KDM4B: variants seen among roughly 807,000 people sequenced by gnomAD.
KDM4B encodes the protein lysine demethylase 4B, also known as lysine-specific demethylase 4B.
A neutral mutation model predicts 125.2 loss-of-function variants in KDM4B; 32 were observed. The observed-to-expected ratio is 0.26, with a 90% confidence interval of 0.19 to 0.34. The LOEUF is 0.34. Among genes scored for constraint, KDM4B ranks in the 10% least tolerant of loss-of-function variants. KDM4B has a pLI of 1.00. For missense variants in KDM4B, 1,190 were observed against 1,577.7 expected, an observed-to-expected ratio of 0.75 and a Z score of 4.16; for synonymous variants, 721 against 677.9, an observed-to-expected ratio of 1.06 and a Z score of -0.99.
intron 1 of KDM4B, among the ~76,000 whole-genome samples, chr19:4,999,233 G>C (rs2035293818): frequency 6.6e-6 from 1 of 152,104 alleles, no homozygotes; most frequent in African/African-American, 2.4e-5. Context: ...TTCTTACTTT[G>C]TTCAATGGGT....
chr19:5,061,691 T>A (rs1346563085), intron 6 of KDM4B, among the ~76,000 whole-genome samples: 11 of 151,772 alleles, frequency 7.2e-5, no homozygotes, highest in Admixed American at 7.2e-4. Flanking sequence ...ATTGCAAGAC[T>A]CCATCTCTAC....
rs180775487 is a variant in KDM4B at position 4,976,614 on chromosome 19, A to G, written c.-109+7384A>G. ...AAGCATCGGAACTCTCCTCGTTACC[A>G]GTGCTAGCGCCCCCGATGGGAGGGG... is the stretch of plus-strand genomic sequence containing the variant. On this transcript the variant is annotated intron_variant, in intron 1 of 22. Coordinates refer to ENST00000159111, the MANE Select transcript of KDM4B (RefSeq NM_015015.3). 4.3e-4 allele frequency among the ~76,000 whole-genome samples: 66 copies of G among 152,356 alleles called. 1 individual carries two copies. The highest frequency in any genetic ancestry group is 3.7e-3 in the South Asian group (18 of 4,828).
At position 5,114,664 on chromosome 19, in the gene KDM4B, ACTT is replaced by A. The variant is rs1050922986; in HGVS notation, c.1115+3847_1115+3849del. ...TCTTGGGGGTGGGGAGCACTGGGCCACTTTGGGTCGGGGGTGGGCGGCTCTGAG... is the reference window on the plus strand; with the variant it reads ...TCTTGGGGGTGGGGAGCACTGGGCCATGGGTCGGGGGTGGGCGGCTCTGAG... On this transcript the variant is annotated intron_variant, in intron 10 of 22. Coordinates refer to ENST00000159111, the MANE Select transcript of KDM4B (RefSeq NM_015015.3). This position sits in a 1 kb window ranked among gnomAD's most constrained non-coding sequence, Gnocchi z 5.8. Among the ~76,000 whole-genome samples the A allele has an allele frequency of 4.8e-5, 7 of 145,484 alleles. No homozygotes were observed. Among genetic ancestry groups the A allele is most frequent in the Non-Finnish European group, 9.1e-5 (6 of 65,876 alleles).
intron 9 of KDM4B, among the ~76,000 whole-genome samples, chr19:5,090,122 C>T (rs546200394): frequency 6.6e-6 from 1 of 152,308 alleles, no homozygotes; most frequent in African/African-American, 2.4e-5. Context: ...GTGGAAGGTC[C>T]TGGAAGCCCA....
rs555233041 is a variant in KDM4B, at chr19:4,989,602, A to C, written c.-109+20372A>C. On this transcript the variant is annotated intron_variant, in intron 1 of 22. Transcript: ENST00000159111. ...GTGATCCGCCTGCCTCAGCCTCCCA[A>C]AGTGCTCGGATTACAGGCATGAGCC... is the stretch of plus-strand genomic sequence containing the variant. Among the ~76,000 whole-genome samples the C allele has an allele frequency of 8.1e-4, 123 of 151,024 alleles. 1 individual carries two copies. The highest frequency in any genetic ancestry group is 2.8e-3 in the African/African-American group (113 of 41,088).
chr19:5,020,474 G>A (rs2036079912), intron 2 of KDM4B, among the ~76,000 whole-genome samples: 1 of 152,138 alleles, frequency 6.6e-6, no homozygotes, highest in Non-Finnish European at 1.5e-5. Context: ...TCTCCACGGC[G>A]GCTGCACCCT....
intron 11 of KDM4B, among the ~76,000 whole-genome samples, chr19:5,122,709 C>T (rs1365584282): frequency 6.6e-6 from 1 of 152,208 alleles, no homozygotes; most frequent in East Asian, 1.9e-4. Context: ...GATAAGAATG[C>T]CTGAGGACCA....
At chr19:5,138,769 C>T (rs1010573888) in intron 18 of KDM4B, among the ~76,000 whole-genome samples, 4 of 152,238 alleles carry the variant, frequency 2.6e-5, no homozygotes, top group Non-Finnish European at 5.9e-5. Flanking sequence ...CAGGGCTCTG[C>T]GGCCCGCTCA....
intron 13 of KDM4B, among the ~76,000 whole-genome samples, chr19:5,132,407 G>A (rs570513003): frequency 8.5e-5 from 13 of 152,320 alleles, no homozygotes; most frequent in South Asian, 2.1e-4. Flanking sequence ...ACCCTCAGCC[G>A]AGAGCTGCTG....
intron 12 of KDM4B, 130 bp from the exon 13 acceptor site, chr19:5,131,757 C>A: frequency 8.8e-7 from 1 of 1,139,440 alleles, no homozygotes; most frequent in Non-Finnish European, 1.3e-6. Flanking sequence ...CCCTGTGGTT[C>A]TTTGCTGGGA....
chr19:4,970,732 C>T (rs1297821472), intron 1 of KDM4B, among the ~76,000 whole-genome samples: 1 of 100,368 alleles, frequency 1.0e-5, no homozygotes, highest in African/African-American at 3.0e-5. Flanking sequence ...CCTTCTCCTG[C>T]AGCCCCTGCT....
At chr19:5,108,154 G>A (rs1327460533) in intron 9 of KDM4B, among the ~76,000 whole-genome samples, 3 of 152,244 alleles carry the variant, frequency 2.0e-5, no homozygotes, top group African/African-American at 4.8e-5. Flanking sequence ...CTCCACGGGT[G>A]CACACAGGTG....
At chr19:4,982,712 A>C (rs1310370199) in intron 1 of KDM4B, among the ~76,000 whole-genome samples, 1 of 151,782 alleles carries the variant, frequency 6.6e-6, no homozygotes, top group Non-Finnish European at 1.5e-5. Flanking sequence ...TCCCGGGTTC[A>C]AGCGATTCTC....
intron 1 of KDM4B, among the ~76,000 whole-genome samples, chr19:5,012,497 C>T (rs191203932): frequency 7.9e-5 from 12 of 152,316 alleles, no homozygotes; most frequent in African/African-American, 2.2e-4. Flanking sequence ...CTTCGTGGCC[C>T]GTGGCAGTCC....
chr19:4,986,586 G>A (rs983979155), intron 1 of KDM4B, among the ~76,000 whole-genome samples: 1 of 152,222 alleles, frequency 6.6e-6, no homozygotes, highest in African/African-American at 2.4e-5. Flanking sequence ...CAGGCCAGGT[G>A]CTGAGGGGCC....
At chr19:5,057,065 T>TGTGTGCGCGCGCGC (rs55806859) in intron 6 of KDM4B, among the ~76,000 whole-genome samples, 1 of 128,400 alleles carries the variant, frequency 7.8e-6, no homozygotes, top group African/African-American at 3.2e-5. Context: ...TGTGTGTGTG[T>TGTGTGCGCGCGCGC]GCGCGCGCGC....
At chr19:5,096,977 C>T (rs1472585182) in intron 9 of KDM4B, among the ~76,000 whole-genome samples, 1 of 152,128 alleles carries the variant, frequency 6.6e-6, no homozygotes, top group East Asian at 1.9e-4. Flanking sequence ...CACAGGGTGG[C>T]TTCCACCAGA....
intron 1 of KDM4B, among the ~76,000 whole-genome samples, chr19:4,994,020 G>GTTTTTTTTTTTTT (rs55641886): frequency 1.2e-3 from 78 of 66,634 alleles, no homozygotes; most frequent in African/African-American, 2.0e-3. Context: ...TTTTCAGCCT[G>GTTTTTTTTTTTTT]TTTTTTTTTT....
chr19:5,003,441 A>G (rs927999496), intron 1 of KDM4B, among the ~76,000 whole-genome samples: 1 of 151,864 alleles, frequency 6.6e-6, no homozygotes, highest in Non-Finnish European at 1.5e-5. Context: ...AGATCGTGCC[A>G]TTGCACTCCA....
Sources: allele counts gnomAD v4.1 joint callset (sites outside exome capture counted in the v4.1 genomes callset), GRCh38; gene constraint gnomAD v4.1.1; non-coding constraint Gnocchi (gnomAD v3.1); transcripts MANE v1.5; gene names NCBI Gene and HGNC (gene_info 2026-07-23, HGNC 2026-07-21).